ARHGAP30: variants seen among roughly 807,000 people sequenced by gnomAD.
ARHGAP30 encodes rho GTPase-activating protein 30.
In ARHGAP30, 23 loss-of-function variants were observed where a neutral mutation model predicts 72.0. The observed-to-expected ratio is 0.32, with a 90% CI of 0.23 to 0.45. The LOEUF (loss-of-function observed/expected upper bound fraction) is 0.45. Among genes scored for constraint, ARHGAP30 ranks in the 20% least tolerant of loss-of-function variants. The pLI is 1.00. For synonymous variants in ARHGAP30, 576 were observed against 528.2 expected (o/e 1.09, Z -1.24); for missense variants, 1,319 against 1,383.4 (o/e 0.95, Z 0.74).
In ARHGAP30 at chr1:161,069,760, G is replaced by A. The variant is rs1557939908; in HGVS notation, c.-136C>T. ...GGCAGGGCTCCCAATTGGGGGTGGA[G>A]GGTGGCCTGGGCAACGGGCAGCAGC... On this transcript the variant is annotated 5_prime_UTR_variant, in exon 1 of 12. Coordinates refer to ENST00000368013, the MANE Select transcript of ARHGAP30 (RefSeq NM_001025598.2). The surrounding 1 kb of genome is among the most constrained non-coding windows in gnomAD (Gnocchi z 4.9). 1.1e-6 allele frequency: 1 copy of A among 891,410 alleles called. No homozygotes were observed. Among genetic ancestry groups the A allele is most frequent in the East Asian group, 2.6e-5 (1 of 38,016 alleles). 55.2% of individuals were successfully genotyped at this position (891,410 alleles called of 1,614,324 possible).
At position 161,069,460 on chromosome 1, in the gene ARHGAP30, G is replaced by A; in HGVS notation, c.97+68C>T. 2 of 1,517,046 alleles carry A rather than the reference G, an allele frequency of 1.3e-6. No individual in the cohort carries two copies. The highest frequency in any genetic ancestry group is 1.4e-5 in the African/African-American group (1 of 73,230). 94.0% of individuals were successfully genotyped at this position (1,517,046 alleles called of 1,614,324 possible). A position where few individuals can be genotyped will look rare whatever the true frequency, so the allele number is the denominator to read the frequency against. ...ACCGGAAACTGCTTCTGCCCTTCAG[G>A]CTGGATCGGGCTGCAGATGCCCAGT... On this transcript the variant is annotated intron_variant, in intron 1 of 11. Transcript: ENST00000368013. This position sits in a 1 kb window ranked among gnomAD's most constrained non-coding sequence, Gnocchi z 4.9.
At chr1:161,050,652 T>A (rs1340010964) in intron 10 of ARHGAP30, among the ~76,000 whole-genome samples, 1 of 150,596 alleles carries the variant, frequency 6.6e-6, no homozygotes, top group Non-Finnish European at 1.5e-5. Flanking sequence ...TTTTTTTTTT[T>A]AATTTGAGAC....
In ARHGAP30 at chr1:161,069,491, C is replaced by A; in HGVS notation, c.97+37G>T. On this transcript the variant is annotated intron_variant, in intron 1 of 11. Transcript: ENST00000368013. This position sits in a 1 kb window ranked among gnomAD's most constrained non-coding sequence, Gnocchi z 4.9. Reference sequence around the variant, plus strand: ...TCGGGCTGCAGATGCCCAGTGCCTCCCCACCCACCCTGCAGAAGCTGAGCC... The same window carrying A: ...TCGGGCTGCAGATGCCCAGTGCCTCACCACCCACCCTGCAGAAGCTGAGCC... The A allele has an allele frequency of 6.3e-7, 1 of 1,594,044 alleles. No homozygotes were observed. The highest frequency in any genetic ancestry group is 8.5e-7 in the Non-Finnish European group (1 of 1,170,796).
chr1:161,048,564 G>A lies in ARHGAP30; in HGVS notation c.2457C>T (p.Asp819=), dbSNP rs773829982. 4 of 1,614,052 alleles carry A rather than the reference G, an allele frequency of 2.5e-6. No individual in the cohort carries two copies. In the South Asian group the frequency reaches 4.4e-5, roughly 18 times the overall value. The part of the protein sequence containing the change: ...EARKDQGDGE[D]SRSPEAATEG... The stretch of plus-strand genomic sequence containing the variant: ...CAGTTGCTGCTTCTGGGCTTCTGCT[G>A]TCTTCACCATCTCCTTGGTCTTTTC... The change falls in exon 12 of 12, where the codon GAC becomes GAT. Residue 819 remains aspartate (D), a synonymous_variant. Coordinates refer to ENST00000368013, the MANE Select transcript of ARHGAP30 (RefSeq NM_001025598.2).
Position 161,049,243 on chromosome 1 carries a change from G to A in ARHGAP30, c.1778C>T (p.Ser593Phe), listed in dbSNP as rs755079157. ...VLAPSCCSLD[S>F]AGPRPEVEEE... ...CTCAACTTCAGGCCTGGGGCCAGCGGAGTCCAGGGAACAGCAGCTGGGGGC... is the reference window on the plus strand; with the variant it reads ...CTCAACTTCAGGCCTGGGGCCAGCGAAGTCCAGGGAACAGCAGCTGGGGGC... Residue 593 changes from serine to phenylalanine, a missense_variant, in exon 12 of 12, where the codon TCC (serine) becomes TTC (phenylalanine). Ser to Phe is a radical substitution (Grantham distance 155, BLOSUM62 -2). Transcript: ENST00000368013. 6.2e-7 allele frequency: 1 copy of A among 1,614,070 alleles called. No individual in the cohort carries two copies. Among genetic ancestry groups the A allele is most frequent in the East Asian group, 2.2e-5 (1 of 44,884 alleles).
At chr1:161,055,875 TAAAATAAAAATA>T (rs1267755773) in intron 3 of ARHGAP30, among the ~76,000 whole-genome samples, 4 of 115,132 alleles carry the variant, frequency 3.5e-5, no homozygotes, top group African/African-American at 1.7e-4. Context: ...TAAAATAAAA[TAAAATAAAAATA>T]AATAAAATAA....
chr1:161,052,724 G>A lies in ARHGAP30; in HGVS notation c.738C>T (p.Pro246=). 6 of 1,612,670 alleles carry A rather than the reference G, an allele frequency of 3.7e-6. No individual in the cohort carries two copies. Among genetic ancestry groups the A allele is most frequent in the Non-Finnish European group, 2.5e-6 (3 of 1,179,990 alleles). Residue 246 remains proline, a synonymous_variant, in exon 7 of 12, where the codon CCC becomes CCT. Coordinates refer to ENST00000368013, the MANE Select transcript of ARHGAP30 (RefSeq NM_001025598.2). ...RASGSPEDLM[P]RPLPYHLPSI... is the part of the protein sequence containing the mutation. The stretch of plus-strand genomic sequence containing the variant: ...TAGGCAGGTGATAAGGCAGTGGCCT[G>A]GGCATAAGGTCCTCGGGGCTGCCTG...
chr1:161,063,294 C>T (rs2102066096), intron 1 of ARHGAP30, among the ~76,000 whole-genome samples: 1 of 152,338 alleles, frequency 6.6e-6, no homozygotes, highest in African/African-American at 2.4e-5. Context: ...GAGGGACCGG[C>T]TGAAGCCATG....
chr1:161,048,849 C>T lies in ARHGAP30; in HGVS notation c.2172G>A (p.Lys724=). Residue 724 remains lysine (K), a synonymous_variant, in exon 12 of 12, where the codon AAG becomes AAA. Transcript: ENST00000368013. ...EAKEEKSKGQ[K]KADSMEAKGV... ...CTTTAGCCTCCATACTGTCAGCCTT[C>T]TTCTGACCTTTGGACTTCTCTTCCT... is the stretch of plus-strand genomic sequence containing the variant. The T allele has an allele frequency of 2.5e-6, 4 of 1,614,174 alleles. No homozygotes were observed. The highest frequency in any genetic ancestry group is 1.1e-5 in the South Asian group (1 of 91,084).
In ARHGAP30 at chr1:161,052,032, ACCACCACCACCACCACC is replaced by A. The variant is rs1557920992; in HGVS notation, c.1018+237_1018+253del. Among the ~76,000 whole-genome samples the A allele has an allele frequency of 1.0e-4, 8 of 76,690 alleles. 1 individual carries two copies. The highest frequency in any genetic ancestry group is 3.7e-4 in the African/African-American group (7 of 19,160). The allele number at this position is 76,690 out of a possible 152,430, so 50.3% of individuals were successfully genotyped here. ...CACCACCACCACCACCACCACCACC[ACCACCACCACCACCACC>A]ACCACCACCACATACCCATGCTGTC... On this transcript the variant is annotated intron_variant, in intron 9 of 11. Transcript: ENST00000368013.
chr1:161,053,720 A>G (rs2102041632), intron 5 of ARHGAP30, among the ~76,000 whole-genome samples: 1 of 152,308 alleles, frequency 6.6e-6, no homozygotes, highest in South Asian at 2.1e-4. Context: ...ACAGTGAGTG[A>G]TATGCACAGT....
chr1:161,049,883 T>C (rs1413332107), intron 10 of ARHGAP30, among the ~76,000 whole-genome samples, 194 bp from the exon 11 acceptor site: 1 of 152,252 alleles, frequency 6.6e-6, no homozygotes, highest in African/African-American at 2.4e-5. Context: ...TGCCAAGCAC[T>C]GTGCTATGTA....
intron 1 of ARHGAP30, among the ~76,000 whole-genome samples, chr1:161,062,469 C>G (rs1652381254): frequency 6.6e-6 from 1 of 152,058 alleles, no homozygotes; most frequent in Non-Finnish European, 1.5e-5. Flanking sequence ...TGGCTCACAC[C>G]TGTAATCCCA....
At chr1:161,063,130 A>G (rs1033741774) in intron 1 of ARHGAP30, among the ~76,000 whole-genome samples, 1 of 152,184 alleles carries the variant, frequency 6.6e-6, no homozygotes, top group African/African-American at 2.4e-5. Context: ...TTTGTATTAT[A>G]GCACTTCTTG....
At chr1:161,063,909 G>A (rs12084390) in intron 1 of ARHGAP30, among the ~76,000 whole-genome samples, 1,855 of 152,240 alleles carry the variant, frequency 0.012, 38 homozygotes, top group African/African-American at 0.041. Context: ...GGAAACTCTC[G>A]CCTAATAAAT....
Position 161,048,129 on chromosome 1 carries a change from T to C in ARHGAP30, c.2892A>G (p.Pro964=), listed in dbSNP as rs1651012148. 2 of 1,614,014 alleles carry C rather than the reference T, an allele frequency of 1.2e-6. No individual in the cohort carries two copies. The highest frequency in any genetic ancestry group is 1.7e-5 in the Admixed American group (1 of 60,004). ...CSKIHVAPAN[P]CPRPGRLDGT... ...CATCAAGCCGGCCAGGCCTCGGGCA[T>C]GGATTTGCAGGTGCCACATGAATCT... Residue 964 remains proline, a synonymous_variant, in exon 12 of 12, where the codon CCA becomes CCG. Transcript: ENST00000368013.
At chr1:161,051,842 C>T in intron 9 of ARHGAP30, 127 bp from the exon 10 acceptor site, 1 of 1,432,010 alleles carries the variant, frequency 7.0e-7, no homozygotes, top group South Asian at 1.5e-5. Context: ...CTGGAAGGCA[C>T]CAGGCCCAGC....
At chr1:161,055,916 AAAAT>A (rs1557926916) in intron 3 of ARHGAP30, among the ~76,000 whole-genome samples, 1 of 13,604 alleles carries the variant, frequency 7.4e-5, no homozygotes, top group East Asian at 1.5e-3. Flanking sequence ...AAAATAAAAT[AAAAT>A]AAAATAAAAT....
At chr1:161,055,787 ATTAAAATAAAATAAAAT>A (rs1651772103) in intron 3 of ARHGAP30, among the ~76,000 whole-genome samples, 1 of 51,034 alleles carries the variant, frequency 2.0e-5, no homozygotes, top group South Asian at 4.5e-4. Context: ...CCATCTTAAA[ATTAAAATAAAATAAAAT>A]AATAAAATAA....
Sources: gnomAD v4.1 joint callset for allele counts (sites outside exome capture counted in the v4.1 genomes callset) on GRCh38, gnomAD v4.1.1 for gene constraint, Gnocchi (gnomAD v3.1) non-coding constraint, MANE v1.5 for transcripts, NCBI Gene and HGNC (gene_info 2026-07-23, HGNC 2026-07-21) for gene names.